The following ZNF704 variants were observed in gnomAD, a reference collection of about 807,000 sequenced individuals.
The protein encoded by ZNF704 is glucocorticoid induced gene 1.
Under a neutral mutation model 44.7 loss-of-function variants are expected in ZNF704, and 10 were observed. That is an observed-to-expected ratio of 0.22 (90% CI 0.14 to 0.38). The LOEUF is 0.38. Ranked by LOEUF, ZNF704 falls within the 10% of genes least tolerant of loss-of-function variation. The probability of loss-of-function intolerance (pLI) is 1.00; values close to 1 mark genes in which losing one functional copy is unlikely to be tolerated. For missense variants in ZNF704, 390 were observed against 545.5 expected (o/e 0.71, Z 2.84); for synonymous variants, 211 against 207.6 (o/e 1.02, Z -0.14).
intron 1 of ZNF704, among the ~76,000 whole-genome samples, chr8:80,859,379 T>C (rs1454180988): frequency 6.6e-6 from 1 of 152,206 alleles, no homozygotes; most frequent in South Asian, 2.1e-4. Context: ...ATGGCCACTA[T>C]TGGTACAGGG....
At chr8:80,678,833 G>T (rs1240174941) in intron 4 of ZNF704, among the ~76,000 whole-genome samples, 1 of 152,208 alleles carries the variant, frequency 6.6e-6, no homozygotes, top group Non-Finnish European at 1.5e-5. Context: ...CCAGGAGGCT[G>T]CATTAACAGG....
intron 2 of ZNF704, among the ~76,000 whole-genome samples, chr8:80,769,444 T>A (rs1293036775): frequency 6.6e-6 from 1 of 152,154 alleles, no homozygotes; most frequent in East Asian, 1.9e-4. Context: ...AGAGGTTTAT[T>A]GGACTTACAG....
In ZNF704 at chr8:80,635,837, G is replaced by A. The variant is rs761470055; in HGVS notation, c.*5529C>T. 10 of 152,098 alleles carry A rather than the reference G, an allele frequency of 6.6e-5. No individual in the cohort carries two copies. The highest frequency in any genetic ancestry group is 1.2e-4 in the Non-Finnish European group (8 of 68,018). 9.4% of individuals were successfully genotyped at this position (152,098 alleles called of 1,614,324 possible). On this transcript the variant is annotated 3_prime_UTR_variant, in exon 9 of 9. Coordinates refer to ENST00000327835, the MANE Select transcript of ZNF704 (RefSeq NM_001033723.3). ...TTCTCCTATAATACCCATTCCATCT[G>A]ATCTGTATTTCTACCCTTGCTGCAG...
intron 2 of ZNF704, among the ~76,000 whole-genome samples, chr8:80,814,790 T>A (rs1808148836): frequency 6.6e-6 from 1 of 152,206 alleles, no homozygotes; most frequent in Admixed American, 6.5e-5. Context: ...ACAGAGTTTG[T>A]GACCTGAAAA....
At chr8:80,843,008 T>C (rs2129971032) in intron 1 of ZNF704, among the ~76,000 whole-genome samples, 1 of 152,284 alleles carries the variant, frequency 6.6e-6, no homozygotes, top group South Asian at 2.1e-4. Context: ...AAGAGGTGAG[T>C]CAAAAGACAA....
chr8:80,650,354 G>T (rs192438296), intron 7 of ZNF704, among the ~76,000 whole-genome samples: 29 of 152,214 alleles, frequency 1.9e-4, no homozygotes, highest in African/African-American at 6.7e-4. Context: ...GGCTTCAGAC[G>T]ATCAAACTAC....
chr8:80,797,025 G>C (rs1230533590), intron 2 of ZNF704, among the ~76,000 whole-genome samples: 2 of 140,950 alleles, frequency 1.4e-5, no homozygotes, highest in Non-Finnish European at 3.2e-5. Context: ...GCAAAGGAGG[G>C]AATAGCCCAA....
chr8:80,654,814 C>A (rs1326514747), intron 7 of ZNF704, among the ~76,000 whole-genome samples: 2 of 152,118 alleles, frequency 1.3e-5, no homozygotes, highest in Non-Finnish European at 1.5e-5. Flanking sequence ...CTAGAAATAC[C>A]ATTTGACCCA....
chr8:80,772,716 C>T (rs1807341657), intron 2 of ZNF704, among the ~76,000 whole-genome samples: 1 of 152,126 alleles, frequency 6.6e-6, no homozygotes, highest in African/African-American at 2.4e-5. Context: ...TCAGGGATCT[C>T]TGTTTCATTA....
chr8:80,751,584 T>A (rs1424318295), intron 2 of ZNF704, among the ~76,000 whole-genome samples: 3 of 152,230 alleles, frequency 2.0e-5, no homozygotes, highest in African/African-American at 4.8e-5. Flanking sequence ...CAGCAGCTGT[T>A]TCTCCTTTGC....
chr8:80,817,956 C>T (rs1207605870), intron 2 of ZNF704, among the ~76,000 whole-genome samples: 2 of 152,170 alleles, frequency 1.3e-5, no homozygotes, highest in African/African-American at 4.8e-5. Context: ...AGGCTGGCAC[C>T]TCACTCATCA....
chr8:80,831,527 A>G (rs562238525), intron 1 of ZNF704, among the ~76,000 whole-genome samples: 7 of 152,360 alleles, frequency 4.6e-5, no homozygotes, highest in African/African-American at 1.7e-4. Flanking sequence ...AGACAATCTG[A>G]AAAATCACTC....
chr8:80,699,315 G>A (rs1818773107), intron 2 of ZNF704, among the ~76,000 whole-genome samples: 1 of 152,062 alleles, frequency 6.6e-6, no homozygotes, highest in Non-Finnish European at 1.5e-5. Context: ...AGAAAAAGTG[G>A]TAAATGTTAA....
At chr8:80,852,213 G>A (rs1172363864) in intron 1 of ZNF704, among the ~76,000 whole-genome samples, 1 of 152,156 alleles carries the variant, frequency 6.6e-6, no homozygotes, top group Admixed American at 6.5e-5. Context: ...GGAAGGGCAG[G>A]AATGCAATAC....
chr8:80,838,007 C>T (rs1310673260), intron 1 of ZNF704, among the ~76,000 whole-genome samples: 3 of 152,136 alleles, frequency 2.0e-5, no homozygotes, highest in Non-Finnish European at 4.4e-5. Flanking sequence ...AAGGGTTGCT[C>T]TAAAGATCAC....
intron 2 of ZNF704, among the ~76,000 whole-genome samples, chr8:80,708,524 A>G (rs572118906): frequency 6.6e-6 from 1 of 152,378 alleles, no homozygotes; most frequent in African/African-American, 2.4e-5. Context: ...TCTGAAAACA[A>G]TACACGTGGC....
intron 7 of ZNF704, among the ~76,000 whole-genome samples, chr8:80,651,908 T>C (rs1268897953): frequency 6.6e-6 from 1 of 151,916 alleles, no homozygotes; most frequent in Non-Finnish European, 1.5e-5. Flanking sequence ...ATTGACCACA[T>C]AGTTGGAAGT....
intron 1 of ZNF704, among the ~76,000 whole-genome samples, chr8:80,868,017 C>T (rs1034834263): frequency 6.6e-6 from 1 of 152,202 alleles, no homozygotes; most frequent in Non-Finnish European, 1.5e-5. Flanking sequence ...TATCCCTAAA[C>T]TGTTGCACAG....
chr8:80,684,880 C>T (rs1198485460), intron 4 of ZNF704, among the ~76,000 whole-genome samples: 2 of 152,160 alleles, frequency 1.3e-5, no homozygotes, highest in Admixed American at 6.5e-5. Context: ...ATCAGCCTCA[C>T]CTTCTTGTTA....
Sources: gnomAD v4.1 joint callset for allele counts (sites outside exome capture counted in the v4.1 genomes callset) on GRCh38, gnomAD v4.1.1 for gene constraint, MANE v1.5 for transcripts, NCBI Gene and HGNC (gene_info 2026-07-23, HGNC 2026-07-21) for gene names.